PHEX: variants seen among roughly 807,000 people sequenced by gnomAD.
PHEX encodes the protein phosphate regulating endopeptidase X-linked, also known as phosphate-regulating neutral endopeptidase PHEX.
PHEX carries 16 observed loss-of-function variants against 68.0 expected under a neutral mutation model. The ratio of observed to expected loss-of-function variants is 0.24; its 90% CI spans 0.16 to 0.36. PHEX has a LOEUF of 0.36. Among genes scored for constraint, PHEX ranks in the 10% least tolerant of loss-of-function variants. The probability of loss-of-function intolerance (pLI) is 1.00; values close to 1 mark genes in which losing one functional copy is unlikely to be tolerated. For synonymous variants in PHEX, 208 were observed against 205.1 expected (o/e 1.01, Z -0.12); for missense variants, 480 against 575.5 (o/e 0.83, Z 1.70).
chrX:22,231,640 C>A (rs747524957), intron 20 of PHEX, among the ~76,000 whole-genome samples: 1 of 111,121 alleles, frequency 9.0e-6, no homozygotes, highest in South Asian at 3.8e-4. Flanking sequence ...TTTTTTATTG[C>A]GACTATTTGA....
intron 12 of PHEX, among the ~76,000 whole-genome samples, chrX:22,146,592 G>A (rs774928101): frequency 4.5e-5 from 5 of 111,551 alleles, no homozygotes; most frequent in Admixed American, 9.6e-5. Flanking sequence ...TGAGGCAGGC[G>A]GATCACTTGA....
At chrX:22,180,589 G>T (rs1464333621) in intron 14 of PHEX, among the ~76,000 whole-genome samples, 3 of 111,629 alleles carry the variant, frequency 2.7e-5, no homozygotes, top group Admixed American at 9.5e-5. Context: ...AGTAAATGGG[G>T]TATCCATAGC....
chrX:22,086,220 A>T (rs1041528360), intron 5 of PHEX, among the ~76,000 whole-genome samples: 4 of 111,970 alleles, frequency 3.6e-5, no homozygotes, highest in Admixed American at 1.9e-4. Context: ...CTCCTATAGC[A>T]TAATGCTGCT....
chrX:22,218,157 A>T (rs1158241389), intron 16 of PHEX, among the ~76,000 whole-genome samples: 1 of 110,108 alleles, frequency 9.1e-6, no homozygotes, highest in African/African-American at 3.3e-5. Context: ...TCGCTTCTTC[A>T]TTTGGCCTCA....
At chrX:22,176,384 C>CAA (rs61277745) in intron 13 of PHEX, among the ~76,000 whole-genome samples, 71 of 73,844 alleles carry the variant, frequency 9.6e-4, no homozygotes, top group South Asian at 2.6e-3. Context: ...GAGACTGTCT[C>CAA]AAAAAAAAAA....
intron 5 of PHEX, among the ~76,000 whole-genome samples, chrX:22,081,189 C>T (rs1929379794): frequency 9.0e-6 from 1 of 110,726 alleles, no homozygotes; most frequent in African/African-American, 3.3e-5. Flanking sequence ...TTGGTGGCCC[C>T]ATTTCTCGGT....
chrX:22,229,523 T>C (rs1486385277), intron 20 of PHEX, among the ~76,000 whole-genome samples: 1 of 112,786 alleles, frequency 8.9e-6, no homozygotes, highest in Non-Finnish European at 1.9e-5. Flanking sequence ...CATATGTTTG[T>C]TGGCTGCATA....
chrX:22,181,589 T>C (rs1430208050), intron 14 of PHEX, among the ~76,000 whole-genome samples: 1 of 111,947 alleles, frequency 8.9e-6, no homozygotes, highest in African/African-American at 3.2e-5. Context: ...ATATAAATTT[T>C]AGGAATTTTT....
chrX:22,060,205 T>C (rs1404945138), intron 3 of PHEX, among the ~76,000 whole-genome samples: 8 of 110,135 alleles, frequency 7.3e-5, no homozygotes, highest in African/African-American at 2.6e-4. Flanking sequence ...ATAGCTTTTA[T>C]GAACAGTGCA....
chrX:22,246,779 G>A (rs1361430603), intron 21 of PHEX, among the ~76,000 whole-genome samples: 1 of 112,002 alleles, frequency 8.9e-6, no homozygotes, highest in Non-Finnish European at 1.9e-5. Context: ...GAGGTTATGA[G>A]GATTTTTTGG....
At chrX:22,220,160 C>A (rs1935224692) in intron 17 of PHEX, among the ~76,000 whole-genome samples, 2 of 111,379 alleles carry the variant, frequency 1.8e-5, no homozygotes, top group African/African-American at 6.5e-5. Flanking sequence ...CTATCACATC[C>A]ATACCCACAC....
chrX:22,176,393 AAAAAAAAAAATATATAT>A (rs1244008606), intron 13 of PHEX, among the ~76,000 whole-genome samples: 970 of 81,898 alleles, frequency 0.012, 13 homozygotes, highest in African/African-American at 0.054. Flanking sequence ...TCAAAAAAAA[AAAAAAAAAAATATATAT>A]ATATATATAT....
intron 20 of PHEX, among the ~76,000 whole-genome samples, chrX:22,238,471 T>A (rs1332023606): frequency 2.7e-5 from 3 of 111,101 alleles, no homozygotes; most frequent in Non-Finnish European, 5.7e-5. Context: ...AGTACCGGGC[T>A]CGGTGCATCC....
intron 12 of PHEX, among the ~76,000 whole-genome samples, chrX:22,158,132 C>CTAATGGTATTAGGGTA (rs1933005678): frequency 8.9e-6 from 1 of 112,106 alleles, no homozygotes; most frequent in African/African-American, 3.2e-5. Context: ...ATTAGCTCCG[C>CTAATGGTATTAGGGTA]TTAGGGTAAT....
intron 21 of PHEX, among the ~76,000 whole-genome samples, chrX:22,247,552 T>C (rs1442669527): frequency 8.9e-6 from 1 of 112,370 alleles, no homozygotes; most frequent in Admixed American, 9.5e-5. Context: ...CAGTTATACT[T>C]TCCATAAAGT....
intron 3 of PHEX, among the ~76,000 whole-genome samples, chrX:22,050,440 G>A (rs932291961): frequency 9.1e-6 from 1 of 109,819 alleles, no homozygotes. Context: ...AATTAGCCAC[G>A]CATGGTGGAA....
intron 2 of PHEX, among the ~76,000 whole-genome samples, chrX:22,038,846 G>C (rs1927143750): frequency 1.8e-5 from 2 of 111,486 alleles, no homozygotes; most frequent in African/African-American, 6.5e-5. Flanking sequence ...TCTTCCTATG[G>C]CTCCGCTGGC....
At chrX:22,193,351 T>C (rs1013827178) in intron 15 of PHEX, among the ~76,000 whole-genome samples, 2 of 111,438 alleles carry the variant, frequency 1.8e-5, no homozygotes, top group East Asian at 5.6e-4. Flanking sequence ...GAAATTAATA[T>C]GTGCCTACGA....
chrX:22,164,749 C>T (rs753704056), intron 12 of PHEX, among the ~76,000 whole-genome samples: 3 of 111,978 alleles, frequency 2.7e-5, no homozygotes, highest in Non-Finnish European at 5.6e-5. Context: ...TGACTTATAG[C>T]GAGCTGATAA....
Sources: gnomAD v4.1 joint callset for allele counts (sites outside exome capture counted in the v4.1 genomes callset) on GRCh38, gnomAD v4.1.1 for gene constraint, MANE v1.5 for transcripts, NCBI Gene and HGNC (gene_info 2026-07-23, HGNC 2026-07-21) for gene names.